SPHKAP: variants seen among roughly 807,000 people sequenced by gnomAD.
SPHKAP encodes the protein SPHK1 interactor, AKAP domain containing.
Under a neutral mutation model 137.5 loss-of-function variants are expected in SPHKAP, and 67 were observed. The ratio of observed to expected loss-of-function variants is 0.49; its 90% CI spans 0.40 to 0.60. SPHKAP has a LOEUF of 0.60. Ranked by LOEUF, SPHKAP falls within the 20% of genes least tolerant of loss-of-function variation. The pLI, the probability that SPHKAP is intolerant of heterozygous loss-of-function variation, is 0.00. For missense variants in SPHKAP, 2,097 were observed against 2,069.3 expected (o/e 1.01, Z -0.26); for synonymous variants, 813 against 785.3 (o/e 1.04, Z -0.59).
At chr2:228,150,664 C>A (rs1699902658) in intron 1 of SPHKAP, among the ~76,000 whole-genome samples, 2 of 151,178 alleles carry the variant, frequency 1.3e-5, no homozygotes, top group Admixed American at 1.3e-4. Flanking sequence ...GGCTTCTACC[C>A]CTCTTTTAAA....
intron 3 of SPHKAP, among the ~76,000 whole-genome samples, chr2:228,098,722 C>G (rs1367806216): frequency 6.6e-6 from 1 of 150,650 alleles, no homozygotes; most frequent in Non-Finnish European, 1.5e-5. Context: ...TGTAACTAAC[C>G]TGCACGTTGT....
intron 2 of SPHKAP, among the ~76,000 whole-genome samples, chr2:228,110,690 G>A (rs1698491480): frequency 6.6e-6 from 1 of 152,192 alleles, no homozygotes; most frequent in Non-Finnish European, 1.5e-5. Context: ...GAGGCTACAT[G>A]ATGTGTGACA....
rs759434968 is a variant in SPHKAP at position 228,018,588 on chromosome 2, G to A, written c.2266C>T (p.Pro756Ser). ...ETEPSCQPSDPGASQAWTKAT... is the reference protein window; with the variant it reads ...ETEPSCQPSDSGASQAWTKAT... ...TTTGTCCAAGCTTGACTAGCACCCGGATCAGATGGCTGGCAGCTTGGTTCT... is the reference window on the plus strand; with the variant it reads ...TTTGTCCAAGCTTGACTAGCACCCGAATCAGATGGCTGGCAGCTTGGTTCT... The change falls in exon 7 of 12, where the codon CCG (proline) becomes TCG (serine). Residue 756 changes from proline (P) to serine (S), a missense_variant. Coordinates refer to ENST00000392056, the MANE Select transcript of SPHKAP (RefSeq NM_001142644.2). 8.1e-6 allele frequency: 13 copies of A among 1,613,864 alleles called. No individual in the cohort carries two copies. In the Admixed American group the frequency reaches 1.5e-4, roughly 19 times the overall value.
At chr2:228,115,956 G>A (rs1049742348) in intron 2 of SPHKAP, among the ~76,000 whole-genome samples, 3 of 152,114 alleles carry the variant, frequency 2.0e-5, no homozygotes, top group Non-Finnish European at 4.4e-5. Context: ...ATAAAAAAAG[G>A]CTTGAAAGCT....
At chr2:228,039,745 ATCAG>A (rs1268461467) in intron 3 of SPHKAP, among the ~76,000 whole-genome samples, 1 of 152,234 alleles carries the variant, frequency 6.6e-6, no homozygotes, top group African/African-American at 2.4e-5. Flanking sequence ...GTCAGACAAA[ATCAG>A]TGCTTTTATA....
intron 1 of SPHKAP, among the ~76,000 whole-genome samples, chr2:228,157,016 C>T (rs1402990306): frequency 2.0e-5 from 3 of 152,082 alleles, no homozygotes; most frequent in African/African-American, 7.2e-5. Flanking sequence ...GCAAGGAGCT[C>T]AAGATACTGC....
chr2:228,139,251 A>G (rs1244956756), intron 1 of SPHKAP, among the ~76,000 whole-genome samples: 2 of 152,214 alleles, frequency 1.3e-5, no homozygotes, highest in Non-Finnish European at 2.9e-5. Context: ...TCTCTAAAAC[A>G]CTATGTTGAA....
At chr2:228,153,696 T>A (rs1700007833) in intron 1 of SPHKAP, among the ~76,000 whole-genome samples, 2 of 152,220 alleles carry the variant, frequency 1.3e-5, no homozygotes, top group Non-Finnish European at 2.9e-5. Context: ...TATTTTCTTA[T>A]CAACTTTTCA....
Position 228,017,388 on chromosome 2 carries a change from C to A in SPHKAP, c.3466G>T (p.Ala1156Ser). 6.2e-7 allele frequency: 1 copy of A among 1,613,912 alleles called. No homozygotes were observed. Among genetic ancestry groups the A allele is most frequent in the Middle Eastern group, 1.6e-4 (1 of 6,062 alleles). ...ATGGCTGAGTTCAGAATGCTGCTGG[C>A]GTTCTTGCCAGCATAGTAATCCAGC... is the stretch of plus-strand genomic sequence containing the variant. The part of the protein sequence containing the change: ...LLLDYYAGKN[A>S]SSILNSAMQQ... The change falls in exon 7 of 12, where the codon GCC becomes TCC. Residue 1156 changes from alanine to serine, a missense_variant. By Grantham distance (99) the Ala-to-Ser change is moderately conservative. Transcript: ENST00000392056.
At chr2:228,046,454 G>A (rs1342801965) in intron 3 of SPHKAP, among the ~76,000 whole-genome samples, 2 of 151,918 alleles carry the variant, frequency 1.3e-5, no homozygotes, top group African/African-American at 4.8e-5. Flanking sequence ...CGAGCTCAGG[G>A]TGCTAAGTTG....
intron 3 of SPHKAP, among the ~76,000 whole-genome samples, chr2:228,028,736 A>G (rs1695160411): frequency 6.6e-6 from 1 of 152,192 alleles, no homozygotes; most frequent in African/African-American, 2.4e-5. Context: ...TATGTCATCT[A>G]GACTTGTCTA....
chr2:228,100,303 T>G (rs942010768), intron 3 of SPHKAP, among the ~76,000 whole-genome samples: 2 of 152,244 alleles, frequency 1.3e-5, no homozygotes, highest in Non-Finnish European at 2.9e-5. Flanking sequence ...ACTTCTTTTT[T>G]TACTATCTGG....
chr2:228,130,686 T>C (rs968562689), intron 2 of SPHKAP, among the ~76,000 whole-genome samples: 5 of 152,308 alleles, frequency 3.3e-5, no homozygotes, highest in Admixed American at 6.5e-5. Context: ...TTTGGAGTTA[T>C]AGAGTTCAAC....
At chr2:228,154,532 ATTTTTTTTTTTTTTTTTT>A (rs1168623467) in intron 1 of SPHKAP, among the ~76,000 whole-genome samples, 1 of 29,402 alleles carries the variant, frequency 3.4e-5, no homozygotes, top group African/African-American at 1.4e-4. Context: ...ATATATATAT[ATTTTTTTTTTTTTTTTTT>A]TTTTTTTTTT....
chr2:228,105,156 A>G (rs1251169266), intron 3 of SPHKAP, among the ~76,000 whole-genome samples: 1 of 152,110 alleles, frequency 6.6e-6, no homozygotes, highest in African/African-American at 2.4e-5. Flanking sequence ...GTATGTAGAG[A>G]TGGGATCTCA....
intron 7 of SPHKAP, among the ~76,000 whole-genome samples, chr2:228,004,450 G>A (rs945560030): frequency 2.0e-5 from 3 of 147,810 alleles, no homozygotes; most frequent in African/African-American, 4.9e-5. Context: ...ATTCTTCTCT[G>A]TTCTTTATTA....
chr2:228,007,989 C>T (rs553307190), intron 7 of SPHKAP, among the ~76,000 whole-genome samples: 167 of 152,172 alleles, frequency 1.1e-3, no homozygotes, highest in African/African-American at 3.8e-3. Flanking sequence ...AACTCCTTGA[C>T]TTAAACTGAT....
intron 7 of SPHKAP, among the ~76,000 whole-genome samples, chr2:228,008,006 A>C (rs2106192684): frequency 6.6e-6 from 1 of 152,304 alleles, no homozygotes; most frequent in South Asian, 2.1e-4. Context: ...TGATTTAAAA[A>C]TGAGTTTTTA....
chr2:228,131,215 T>G (rs1424122821), intron 2 of SPHKAP: 2 of 816,226 alleles, frequency 2.5e-6, no homozygotes, highest in Non-Finnish European at 3.0e-6. Context: ...TTGTGTTAAT[T>G]TACATCTATA....
Sources: gnomAD v4.1 joint callset for allele counts (sites outside exome capture counted in the v4.1 genomes callset) on GRCh38, gnomAD v4.1.1 for gene constraint, MANE v1.5 for transcripts, NCBI Gene and HGNC (gene_info 2026-07-23, HGNC 2026-07-21) for gene names.